The following ADCY7 variants were observed in gnomAD, a reference collection of about 807,000 sequenced individuals.
ADCY7 encodes adenylate cyclase type 7.
Under a neutral mutation model 120.6 loss-of-function variants are expected in ADCY7, and 72 were observed. That is an observed-to-expected ratio of 0.60 (90% CI 0.49 to 0.73). The LOEUF (loss-of-function observed/expected upper bound fraction) is 0.73. ADCY7 is among the 30% of genes least tolerant of loss of function. The probability of loss-of-function intolerance (pLI) is 0.00; values close to 1 mark genes in which losing one functional copy is unlikely to be tolerated. For missense variants in ADCY7, 1,227 were observed against 1,486.0 expected (o/e 0.83, Z 2.87); for synonymous variants, 661 against 628.0 (o/e 1.05, Z -0.78).
intron 19 of ADCY7, among the ~76,000 whole-genome samples, chr16:50,311,445 C>T (rs2036452104): frequency 6.6e-6 from 1 of 152,208 alleles, no homozygotes; most frequent in African/African-American, 2.4e-5. Context: ...TCCCTTCAGG[C>T]CCTCATCACA....
Position 50,317,142 on chromosome 16 carries a change from T to G in ADCY7, c.*1637T>G, listed in dbSNP as rs1160572588. On this transcript the variant is annotated 3_prime_UTR_variant, in exon 26 of 26. Transcript: ENST00000673801. ...TCAGCCCGAGGAAGGGCAGGTGTAT[T>G]CTAATTTGCACAAAGGTGCTGGGTA... is the stretch of plus-strand genomic sequence containing the variant. The G allele has an allele frequency of 6.5e-6, 1 of 152,782 alleles. No homozygotes were observed. Among genetic ancestry groups the G allele is most frequent in the Non-Finnish European group, 1.5e-5 (1 of 68,064 alleles). The allele number at this position is 152,782 out of a possible 1,614,324, so 9.5% of individuals were successfully genotyped here.
rs139027579 is a variant in ADCY7, at chr16:50,312,920, T to G, written c.2635T>G (p.Cys879Gly). ...GTACCATCAGTCCTATGACTGCGTC[T>G]GTGTCATGTTTGCCTCCGTGCCGGA... The part of the protein sequence containing the change: ...DWYHQSYDCV[C>G]VMFASVPDFK... Residue 879 changes from cysteine to glycine, a missense_variant, in exon 22 of 26, where the codon TGT becomes GGT. Coordinates refer to ENST00000673801, the MANE Select transcript of ADCY7 (RefSeq NM_001114.5). 46 of 1,614,112 alleles carry G rather than the reference T, an allele frequency of 2.8e-5. No homozygotes were observed. The highest frequency in any genetic ancestry group is 3.7e-5 in the Non-Finnish European group (44 of 1,180,036).
chr16:50,311,949 G>A (rs2036509354), intron 20 of ADCY7, 87 bp from the exon 21 acceptor site: 1 of 1,579,970 alleles, frequency 6.3e-7, no homozygotes, highest in Non-Finnish European at 8.6e-7. Context: ...AAGGACGCCA[G>A]GGACAGACAG....
At chr16:50,303,443 C>A (rs1028298880) in intron 10 of ADCY7, among the ~76,000 whole-genome samples, 4 of 151,212 alleles carry the variant, frequency 2.6e-5, no homozygotes, top group Admixed American at 2.6e-4. Context: ...ACAGGACTTC[C>A]GGAGGCAGAG....
chr16:50,281,661 G>T (rs1327095124), intron 1 of ADCY7, among the ~76,000 whole-genome samples: 2 of 152,226 alleles, frequency 1.3e-5, no homozygotes, highest in Admixed American at 6.5e-5. Context: ...CACTGGGAAG[G>T]CCTCTTGGTA....
chr16:50,275,028 C>G (rs1242298851), intron 1 of ADCY7, among the ~76,000 whole-genome samples: 1 of 152,182 alleles, frequency 6.6e-6, no homozygotes, highest in Non-Finnish European at 1.5e-5. Flanking sequence ...ATGGGAGAGG[C>G]AGGAAATTCG....
intron 18 of ADCY7, among the ~76,000 whole-genome samples, chr16:50,310,255 G>C (rs1158284681): frequency 6.6e-6 from 1 of 152,192 alleles, no homozygotes; most frequent in African/African-American, 2.4e-5. Flanking sequence ...GCCGGGGGCA[G>C]GCTTGATCCA....
At chr16:50,304,834 A>G in intron 11 of ADCY7, 91 bp from the exon 12 acceptor site, 1 of 1,546,256 alleles carries the variant, frequency 6.5e-7, no homozygotes, top group Middle Eastern at 1.7e-4. Flanking sequence ...CTGTGTATCA[A>G]GTGCCGGAGG....
At chr16:50,293,551 G>A (rs2302714) in intron 6 of ADCY7, 49 bp downstream of exon 6, 808,896 of 1,590,752 alleles carry the variant, frequency 0.51, 210,651 homozygotes, top group Non-Finnish European at 0.54. Flanking sequence ...TGGGCCCACC[G>A]TTCCACCGGC....
intron 1 of ADCY7, among the ~76,000 whole-genome samples, chr16:50,258,363 A>G (rs1278181778): frequency 6.6e-6 from 1 of 152,162 alleles, no homozygotes; most frequent in African/African-American, 2.4e-5. Flanking sequence ...TTTTTGTTGA[A>G]GCTGGGTCCC....
intron 7 of ADCY7, among the ~76,000 whole-genome samples, chr16:50,295,632 G>A (rs367565957): frequency 2.0e-3 from 308 of 152,244 alleles, no homozygotes; most frequent in Non-Finnish European, 3.2e-3. Flanking sequence ...CTCAGTGTGC[G>A]TGTGAGGTGT....
intron 23 of ADCY7, 74 bp downstream of exon 23, chr16:50,314,136 T>C (rs547894450): frequency 1.3e-6 from 2 of 1,486,516 alleles, no homozygotes; most frequent in Non-Finnish European, 1.9e-6. Context: ...ACTTAAAGGG[T>C]GTGCCCTTAT....
rs200162680 is a variant in ADCY7, at chr16:50,311,818, G to A, written c.2448+32G>A. Reference sequence around the variant, plus strand: ...AGGCTGGCCCCCCCCCCCCCCCCAAGCTCTGCCCACTTTTCCTCACCTCCA... The same window carrying A: ...AGGCTGGCCCCCCCCCCCCCCCCAAACTCTGCCCACTTTTCCTCACCTCCA... On this transcript the variant is annotated intron_variant, in intron 20 of 25. Transcript: ENST00000673801. The A allele has an allele frequency of 5.1e-5, 62 of 1,222,342 alleles. No homozygotes were observed. In the Middle Eastern group the frequency reaches 9.3e-4, roughly 18 times the overall value. The allele number at this position is 1,222,342 out of a possible 1,614,324, so 75.7% of individuals were successfully genotyped here.
At chr16:50,246,047 C>A (rs1274985966), upstream of ADCY7, 2 of 150,430 alleles carry the variant, frequency 1.3e-5, no homozygotes, top group Non-Finnish European at 3.0e-5. Flanking sequence ...CCCAGCCCCC[C>A]GCCCCGGCTC....
At chr16:50,264,246 G>A (rs574461313), upstream of ADCY7, among the ~76,000 whole-genome samples, 1 of 152,340 alleles carries the variant, frequency 6.6e-6, no homozygotes, top group South Asian at 2.1e-4. Flanking sequence ...TTGTGGGTGG[G>A]TCTTTCACTG....
In ADCY7 at chr16:50,288,104, G is replaced by T. The variant is rs1262767563; in HGVS notation, c.-76G>T. 2 of 1,464,902 alleles carry T rather than the reference G, an allele frequency of 1.4e-6. No homozygotes were observed. The highest frequency in any genetic ancestry group is 9.1e-7 in the Non-Finnish European group (1 of 1,100,268). The allele number at this position is 1,464,902 out of a possible 1,614,324, so 90.7% of individuals were successfully genotyped here. On this transcript the variant is annotated 5_prime_UTR_variant, in exon 2 of 26. Transcript: ENST00000673801. ...GAGGCCTAGGCCCACGGGGGAGGGTGTTGGCAGACAGATGCCCTCCAGGCC... is the reference window on the plus strand; with the variant it reads ...GAGGCCTAGGCCCACGGGGGAGGGTTTTGGCAGACAGATGCCCTCCAGGCC...
At chr16:50,255,747 C>T (rs2032901765) in intron 1 of ADCY7, among the ~76,000 whole-genome samples, 1 of 152,230 alleles carries the variant, frequency 6.6e-6, no homozygotes, top group African/African-American at 2.4e-5. Flanking sequence ...CTGCCTCGGC[C>T]TCCCAAAATG....
intron 8 of ADCY7, among the ~76,000 whole-genome samples, chr16:50,300,367 C>T (rs1295866633): frequency 2.0e-5 from 3 of 152,328 alleles, no homozygotes; most frequent in South Asian, 2.1e-4. Context: ...CCACCACGCC[C>T]GGCCCCCAGT....
intron 18 of ADCY7, chr16:50,310,338 A>T: frequency 1.1e-6 from 1 of 890,170 alleles, no homozygotes; most frequent in Admixed American, 2.2e-5. Context: ...GCCACAGCAC[A>T]ATCTTGAGCA....
Sources: allele counts gnomAD v4.1 joint callset (sites outside exome capture counted in the v4.1 genomes callset), GRCh38; gene constraint gnomAD v4.1.1; transcripts MANE v1.5; gene names NCBI Gene and HGNC (gene_info 2026-07-23, HGNC 2026-07-21).